The following HROB variants were observed in gnomAD, a reference collection of about 807,000 sequenced individuals.
HROB encodes the protein homologous recombination OB-fold protein.
Under a neutral mutation model 61.0 loss-of-function variants are expected in HROB, and 44 were observed. That is an observed-to-expected ratio of 0.72 (90% CI 0.57 to 0.93). HROB has a LOEUF of 0.93. Ranked by LOEUF, HROB falls within the 40% of genes least tolerant of loss-of-function variation. The pLI is 0.00. For synonymous variants in HROB, 301 were observed against 310.4 expected (o/e 0.97, Z 0.32); for missense variants, 716 against 796.2 (o/e 0.90, Z 1.21).
In HROB at chr17:44,148,061, G is replaced by A. The variant is rs747661873; in HGVS notation, c.258G>A (p.Thr86=). The A allele has an allele frequency of 5.8e-5, 93 of 1,613,984 alleles. No homozygotes were observed. The highest frequency in any genetic ancestry group is 7.2e-5 in the Non-Finnish European group (85 of 1,180,020). Residue 86 remains threonine (T), a synonymous_variant, in exon 3 of 10, where the codon ACG becomes ACA. Coordinates refer to ENST00000585683, the MANE Select transcript of HROB (RefSeq NM_001171251.3). ...DLDLCLPASS[T]PSADSRPSCI... ...ACCTCTGCCTCCCTGCCTCCAGCACGCCCAGTGCTGACAGCCGTCCATCAT... is the reference window on the plus strand; with the variant it reads ...ACCTCTGCCTCCCTGCCTCCAGCACACCCAGTGCTGACAGCCGTCCATCAT...
At chr17:44,156,669 A>T (rs3859273) in intron 8 of HROB, among the ~76,000 whole-genome samples, 131,784 of 150,228 alleles carry the variant, frequency 0.88, 58,051 homozygotes, top group East Asian at 0.98. Context: ...GTATTTATTT[A>T]TTTTTTTTTT....
chr17:44,152,823 C>T, intron 5 of HROB, 46 bp downstream of exon 5: 2 of 1,598,666 alleles, frequency 1.3e-6, no homozygotes, highest in Non-Finnish European at 1.7e-6. Flanking sequence ...CCATTTTTCT[C>T]CCTCTCTCTG....
chr17:44,153,292 CAA>C (rs112624871), intron 5 of HROB, among the ~76,000 whole-genome samples: 1 of 139,470 alleles, frequency 7.2e-6, no homozygotes, highest in Non-Finnish European at 1.6e-5. Context: ...CAAAAAAATA[CAA>C]AAAAAAAAAA....
chr17:44,147,851 C>T lies in HROB; in HGVS notation c.55-7C>T, dbSNP rs924806498. ...TGCCAAGACCTACCATCTCTGCTTC[C>T]TTGTAGGATTTCTTGTCTGCTGTGG... On this transcript the variant is annotated splice_region_variant and splice_polypyrimidine_tract_variant and intron_variant, in intron 2 of 9. Transcript: ENST00000585683. 1 of 1,607,046 alleles carries T rather than the reference C, an allele frequency of 6.2e-7. No homozygotes were observed. Among genetic ancestry groups the T allele is most frequent in the Non-Finnish European group, 8.5e-7 (1 of 1,174,814 alleles).
At position 44,162,266 on chromosome 17, in the gene HROB, C is replaced by G. The variant is rs895873569; in HGVS notation, c.*334C>G. On this transcript the variant is annotated 3_prime_UTR_variant, in exon 10 of 10. Coordinates refer to ENST00000585683, the MANE Select transcript of HROB (RefSeq NM_001171251.3). ...GGCCTGGTTTTCTTGTCCCTTCATA[C>G]CCTAGTCCCTGGACAGCTGAGGAGA... 11 of 277,358 alleles carry G rather than the reference C, an allele frequency of 4.0e-5. No homozygotes were observed. Among genetic ancestry groups the G allele is most frequent in the Non-Finnish European group, 7.7e-5 (11 of 142,900 alleles). The allele number at this position is 277,358 out of a possible 1,614,324, so 17.2% of individuals were successfully genotyped here. A position where few individuals can be genotyped will look rare whatever the true frequency, so the allele number is the denominator to read the frequency against.
At chr17:44,154,203 G>A (rs1050459744) in intron 5 of HROB, among the ~76,000 whole-genome samples, 1 of 152,028 alleles carries the variant, frequency 6.6e-6, no homozygotes, top group Admixed American at 6.6e-5. Context: ...TTAGCCGGGC[G>A]TGGTGGTGGG....
Position 44,157,855 on chromosome 17 carries a change from A to C in HROB, c.1793A>C (p.Asp598Ala), listed in dbSNP as rs1333170884. ...FPKDSGSFQH[D>A]VAAKPEEGFR... Reference sequence around the variant, plus strand: ...CAGGATTCAGGGAGCTTCCAGCATGATGTGGCTGCAAAGCCCGAGGAAGGC... The same window carrying C: ...CAGGATTCAGGGAGCTTCCAGCATGCTGTGGCTGCAAAGCCCGAGGAAGGC... Residue 598 changes from aspartate (D) to alanine (A), a missense_variant, in exon 9 of 10, where the codon GAT becomes GCT. Asp to Ala is a moderately radical substitution (Grantham distance 126, BLOSUM62 -2). Coordinates refer to ENST00000585683, the MANE Select transcript of HROB (RefSeq NM_001171251.3). 6.2e-7 allele frequency: 1 copy of C among 1,613,380 alleles called. No homozygotes were observed. The highest frequency in any genetic ancestry group is 8.5e-7 in the Non-Finnish European group (1 of 1,179,604).
rs1240036490 is a variant in HROB, at chr17:44,155,389, A to G, written c.1748A>G (p.Lys583Arg). 1.2e-6 allele frequency: 2 copies of G among 1,614,166 alleles called. No individual in the cohort carries two copies. Among genetic ancestry groups the G allele is most frequent in the Non-Finnish European group, 8.5e-7 (1 of 1,180,020 alleles). Residue 583 changes from lysine to arginine, a missense_variant, in exon 8 of 10, where the codon AAG becomes AGG. Transcript: ENST00000585683. ...SPDSGDGSFLKPSQPFPKDSG... is the reference protein window; with the variant it reads ...SPDSGDGSFLRPSQPFPKDSG... ...GATTCTGGGGATGGGAGCTTCCTCA[A>G]GCCATCTCAGCCCTTCCCCAAGGTA...
intron 6 of HROB, 47 bp from the exon 7 acceptor site, chr17:44,154,806 T>A (rs764477436): frequency 6.2e-7 from 1 of 1,608,794 alleles, no homozygotes; most frequent in Non-Finnish European, 8.5e-7. Context: ...TACCAGTCGC[T>A]GTGCTGCCCT....
At chr17:44,150,167 CTG>C in intron 3 of HROB, among the ~76,000 whole-genome samples, 1 of 152,270 alleles carries the variant, frequency 6.6e-6, no homozygotes, top group East Asian at 1.9e-4. Flanking sequence ...TAATTGGACT[CTG>C]AGGATCTGGA....
At chr17:44,151,774 C>T (rs973676425) in intron 4 of HROB, among the ~76,000 whole-genome samples, 1 of 152,112 alleles carries the variant, frequency 6.6e-6, no homozygotes, top group Non-Finnish European at 1.5e-5. Context: ...TAGCCTTCTG[C>T]TTCAATGCAG....
chr17:44,161,028 C>A (rs938846805), intron 9 of HROB, among the ~76,000 whole-genome samples: 5 of 152,042 alleles, frequency 3.3e-5, no homozygotes, highest in Non-Finnish European at 7.4e-5. Flanking sequence ...CGGTGAAACC[C>A]CATCTCTACT....
chr17:44,148,311 C>T lies in HROB; in HGVS notation c.508C>T (p.Pro170Ser). Residue 170 changes from proline to serine, a missense_variant, in exon 3 of 10, where the codon CCT becomes TCT. Physicochemically the swap from Pro to Ser is moderately conservative, Grantham distance 74 (BLOSUM62 -1). Coordinates refer to ENST00000585683, the MANE Select transcript of HROB (RefSeq NM_001171251.3). ...KVLASMELEE[P>S]GMELECGVSS... ...CCTGGCAAGCATGGAGTTGGAGGAGCCTGGCATGGAGCTGGAATGTGGAGT... is the reference window on the plus strand; with the variant it reads ...CCTGGCAAGCATGGAGTTGGAGGAGTCTGGCATGGAGCTGGAATGTGGAGT... 1 of 1,614,164 alleles carries T rather than the reference C, an allele frequency of 6.2e-7. No individual in the cohort carries two copies. Among genetic ancestry groups the T allele is most frequent in the Non-Finnish European group, 8.5e-7 (1 of 1,180,022 alleles).
intron 3 of HROB, 82 bp downstream of exon 3, chr17:44,149,109 C>T: frequency 7.4e-7 from 1 of 1,343,734 alleles, no homozygotes; most frequent in Non-Finnish European, 1.0e-6. Flanking sequence ...GCATATCTTC[C>T]CTCTTGCAGA....
In HROB at chr17:44,145,186, G is replaced by GT. The variant is rs773084780; in HGVS notation, c.4-9dup. Reference sequence around the variant, plus strand: ...AAATGGTATTTCTCAACCCCAGTTGGTTTTTTTTCTTTTCAGGCGTGCAGT... The same window carrying GT: ...AAATGGTATTTCTCAACCCCAGTTGGTTTTTTTTTCTTTTCAGGCGTGCAGT... On this transcript the variant is annotated splice_polypyrimidine_tract_variant and intron_variant, in intron 1 of 9. Transcript: ENST00000585683. 1.6e-5 allele frequency: 26 copies of GT among 1,612,996 alleles called. No individual in the cohort carries two copies. In the African/African-American group the frequency reaches 1.7e-4, roughly 11 times the overall value.
rs528535212 is a variant in HROB, at chr17:44,152,861, G to C, written c.1449+84G>C. Reference sequence around the variant, plus strand: ...CTACTGCCCTACTCCACCTTAGGAAGGGGCTGTTTGCTCCCTCGTACCCTA... The same window carrying C: ...CTACTGCCCTACTCCACCTTAGGAACGGGCTGTTTGCTCCCTCGTACCCTA... On this transcript the variant is annotated intron_variant, in intron 5 of 9. Transcript: ENST00000585683. 30 of 1,521,350 alleles carry C rather than the reference G, an allele frequency of 2.0e-5. No homozygotes were observed. The Admixed American group carries it at 5.8e-4, about 29-fold the overall frequency. The allele number at this position is 1,521,350 out of a possible 1,614,324, so 94.2% of individuals were successfully genotyped here. A position where few individuals can be genotyped will look rare whatever the true frequency, so the allele number is the denominator to read the frequency against.
rs2053576257 is a variant in HROB at position 44,145,188 on chromosome 17, T to C, written c.4-15T>C. On this transcript the variant is annotated splice_polypyrimidine_tract_variant and intron_variant, in intron 1 of 9. Coordinates refer to ENST00000585683, the MANE Select transcript of HROB (RefSeq NM_001171251.3). ...ATGGTATTTCTCAACCCCAGTTGGT[T>C]TTTTTTCTTTTCAGGCGTGCAGTTT... 1.2e-6 allele frequency: 2 copies of C among 1,613,816 alleles called. No homozygotes were observed. The highest frequency in any genetic ancestry group is 1.7e-6 in the Non-Finnish European group (2 of 1,179,726).
At chr17:44,149,446 A>T (rs1205106115) in intron 3 of HROB, among the ~76,000 whole-genome samples, 1 of 152,036 alleles carries the variant, frequency 6.6e-6, no homozygotes, top group East Asian at 1.9e-4. Flanking sequence ...ACAGAGTTTC[A>T]CCATATTGGC....
intron 2 of HROB, among the ~76,000 whole-genome samples, chr17:44,147,048 TGA>T (rs1555558320): frequency 0.02 from 3,043 of 149,276 alleles, 97 homozygotes; most frequent in African/African-American, 0.071. Context: ...TGTGTGTGTG[TGA>T]GAGAGAGAGA....
Sources: gnomAD v4.1 joint callset for allele counts (sites outside exome capture counted in the v4.1 genomes callset) on GRCh38, gnomAD v4.1.1 for gene constraint, MANE v1.5 for transcripts, NCBI Gene and HGNC (gene_info 2026-07-23, HGNC 2026-07-21) for gene names.